CAMK1D: variants seen among roughly 807,000 people sequenced by gnomAD.
CAMK1D encodes the protein calcium/calmodulin dependent protein kinase ID, also known as calcium/calmodulin-dependent protein kinase type 1D.
In CAMK1D, 9 loss-of-function variants were observed where a neutral mutation model predicts 47.7. That is an observed-to-expected ratio of 0.19 (90% CI 0.11 to 0.33). The LOEUF is 0.33. Ranked by LOEUF, CAMK1D falls within the 10% of genes least tolerant of loss-of-function variation. The pLI is 1.00. For missense variants in CAMK1D, 291 were observed against 488.7 expected (o/e 0.60, Z 3.81); for synonymous variants, 184 against 184.9 (o/e 0.99, Z 0.04).
chr10:12,401,625 C>T (rs929936515), intron 1 of CAMK1D, among the ~76,000 whole-genome samples: 1 of 151,426 alleles, frequency 6.6e-6, no homozygotes, highest in African/African-American at 2.4e-5. Context: ...CAGAAGGGGG[C>T]CGTCAGGGTG....
At chr10:12,622,017 G>A (rs1839014141) in intron 2 of CAMK1D, among the ~76,000 whole-genome samples, 2 of 152,198 alleles carry the variant, frequency 1.3e-5, no homozygotes, top group African/African-American at 4.8e-5. Flanking sequence ...TGCAGTGGGA[G>A]TAGAATTCTG....
At chr10:12,591,706 T>G (rs142644230) in intron 2 of CAMK1D, among the ~76,000 whole-genome samples, 1 of 152,330 alleles carries the variant, frequency 6.6e-6, no homozygotes, top group East Asian at 1.9e-4. Context: ...GGTTGGTTTG[T>G]TTTTTGAGAC....
chr10:12,442,247 C>T (rs1832803901), intron 1 of CAMK1D, among the ~76,000 whole-genome samples: 1 of 152,148 alleles, frequency 6.6e-6, no homozygotes, highest in Non-Finnish European at 1.5e-5. Context: ...TTTGGGAGGT[C>T]AAGGCAGGCG....
intron 1 of CAMK1D, among the ~76,000 whole-genome samples, chr10:12,381,940 T>C (rs967554960): frequency 1.3e-5 from 2 of 152,080 alleles, no homozygotes; most frequent in Admixed American, 6.5e-5. Context: ...AAAAAAACTG[T>C]TTTGCTATAT....
intron 3 of CAMK1D, among the ~76,000 whole-genome samples, chr10:12,689,592 C>T (rs1040391553): frequency 5.3e-5 from 8 of 152,048 alleles, no homozygotes; most frequent in Non-Finnish European, 7.4e-5. Flanking sequence ...GCCTGACCAA[C>T]GTGGTGAAAC....
rs140544757 is a variant in CAMK1D, at chr10:12,412,676, C to T, written c.92+62766C>T. Among the ~76,000 whole-genome samples the T allele has an allele frequency of 4.9e-3, 339 of 68,970 alleles. 2 individuals are homozygous for T. Among genetic ancestry groups the T allele is most frequent in the Middle Eastern group, 0.014 (1 of 70 alleles). 45.2% of individuals were successfully genotyped at this position (68,970 alleles called of 152,430 possible). On this transcript the variant is annotated intron_variant, in intron 1 of 10. Transcript: ENST00000619168. ...TGTCACTGCACTCCAGCCTGGGCAA[C>T]AAGAGTGAGACGCCATCAAAAAAAA...
Position 12,570,074 on chromosome 10 carries a change from C to T in CAMK1D, c.224+16718C>T, listed in dbSNP as rs1837275182. 2.6e-5 allele frequency among the ~76,000 whole-genome samples: 4 copies of T among 152,058 alleles called. No homozygotes were observed. The South Asian group carries it at 8.3e-4, about 32-fold the overall frequency. ...AAGTAGCTGGATGTGGTAGCATGTA[C>T]CTGTAATCCCAGCTACTCCGGAGGC... is the stretch of plus-strand genomic sequence containing the variant. On this transcript the variant is annotated intron_variant, in intron 2 of 10. Transcript: ENST00000619168.
chr10:12,765,389 G>T (rs1300288311), intron 4 of CAMK1D, among the ~76,000 whole-genome samples: 2 of 152,018 alleles, frequency 1.3e-5, no homozygotes. Flanking sequence ...AGGGGAGGGG[G>T]TAGTGGATGG....
intron 2 of CAMK1D, among the ~76,000 whole-genome samples, chr10:12,555,251 C>A (rs951104620): frequency 1.3e-5 from 2 of 152,158 alleles, no homozygotes; most frequent in South Asian, 2.1e-4. Flanking sequence ...GTCCACCCAA[C>A]GATGTTCAGC....
intron 1 of CAMK1D, among the ~76,000 whole-genome samples, chr10:12,545,094 C>G (rs1836318550): frequency 1.3e-5 from 2 of 152,100 alleles, no homozygotes; most frequent in Non-Finnish European, 2.9e-5. Flanking sequence ...GCATGCAACT[C>G]CTGTTCTCAT....
intron 3 of CAMK1D, among the ~76,000 whole-genome samples, chr10:12,745,238 G>T (rs1835614090): frequency 6.6e-6 from 1 of 152,106 alleles, no homozygotes; most frequent in African/African-American, 2.4e-5. Flanking sequence ...CACCGTGTTA[G>T]CCAGGATGGT....
chr10:12,760,734 T>G (rs1043776156), intron 3 of CAMK1D: 19 of 532,742 alleles, frequency 3.6e-5, no homozygotes, highest in African/African-American at 3.4e-4. Context: ...TGGATCGTGT[T>G]TTTTTAAATT....
intron 2 of CAMK1D, among the ~76,000 whole-genome samples, chr10:12,636,937 G>A (rs1042646455): frequency 6.6e-6 from 1 of 152,048 alleles, no homozygotes; most frequent in African/African-American, 2.4e-5. Flanking sequence ...CAAAAGAACA[G>A]GCATCTGTAA....
At chr10:12,553,004 A>G (rs1453047256) in intron 1 of CAMK1D, among the ~76,000 whole-genome samples, 1 of 151,980 alleles carries the variant, frequency 6.6e-6, no homozygotes, top group Non-Finnish European at 1.5e-5. Context: ...TGGCCTCCCA[A>G]AGTGTCGGGA....
At chr10:12,690,710 A>G (rs1336322523) in intron 3 of CAMK1D, among the ~76,000 whole-genome samples, 3 of 152,186 alleles carry the variant, frequency 2.0e-5, no homozygotes, top group African/African-American at 7.2e-5. Flanking sequence ...TTATAAAGCC[A>G]TGAGGCCAGT....
intron 3 of CAMK1D, among the ~76,000 whole-genome samples, chr10:12,679,922 C>A (rs1048123030): frequency 1.3e-5 from 2 of 152,154 alleles, no homozygotes; most frequent in Non-Finnish European, 2.9e-5. Context: ...CTGCATAATC[C>A]CCAAGGAAAG....
rs537604263 is a variant in CAMK1D at position 12,759,493 on chromosome 10, A to T, written c.300-1455A>T. Among the ~76,000 whole-genome samples the T allele has an allele frequency of 5.7e-4, 87 of 152,294 alleles. No individual in the cohort carries two copies. In the South Asian group the frequency reaches 0.017, roughly 30 times the overall value. On this transcript the variant is annotated intron_variant, in intron 3 of 10. Transcript: ENST00000619168. ...GTTGGGGGAAGGTTCTTGAAAAATG[A>T]TGAGAGGAGAGAAGTTGGTGTCAGG...
intron 1 of CAMK1D, among the ~76,000 whole-genome samples, chr10:12,492,269 T>C (rs542504659): frequency 2.0e-5 from 3 of 151,310 alleles, no homozygotes; most frequent in Non-Finnish European, 4.4e-5. Context: ...CATGGTGAAA[T>C]TCTGCTATTG....
chr10:12,462,944 C>G (rs1394261911), intron 1 of CAMK1D, among the ~76,000 whole-genome samples: 1 of 152,138 alleles, frequency 6.6e-6, no homozygotes, highest in African/African-American at 2.4e-5. Flanking sequence ...AGGGCAGAGC[C>G]TAGCAGCATA....
Sources: gnomAD v4.1 joint callset for allele counts (sites outside exome capture counted in the v4.1 genomes callset) on GRCh38, gnomAD v4.1.1 for gene constraint, MANE v1.5 for transcripts, NCBI Gene and HGNC (gene_info 2026-07-23, HGNC 2026-07-21) for gene names.